The following KCNH7 variants were observed in gnomAD, a reference collection of about 807,000 sequenced individuals.
The protein encoded by KCNH7 is voltage-gated inwardly rectifying potassium channel KCNH7.
Under a neutral mutation model 120.8 loss-of-function variants are expected in KCNH7, and 49 were observed. The observed-to-expected ratio is 0.41, with a 90% confidence interval of 0.32 to 0.51. The LOEUF (loss-of-function observed/expected upper bound fraction) is 0.51. Ranked by LOEUF, KCNH7 falls within the 20% of genes least tolerant of loss-of-function variation. The pLI, the probability that KCNH7 is intolerant of heterozygous loss-of-function variation, is 0.38. For synonymous variants in KCNH7, 547 were observed against 516.1 expected (o/e 1.06, Z -0.81); for missense variants, 1,097 against 1,446.6 (o/e 0.76, Z 3.92).
intron 2 of KCNH7, among the ~76,000 whole-genome samples, chr2:162,807,280 A>AAAAAAAAAAAAAAAC (rs1559143095): frequency 2.1e-5 from 3 of 144,442 alleles, no homozygotes; most frequent in Non-Finnish European, 3.0e-5. Context: ...AAAAAAAAAA[A>AAAAAAAAAAAAAAAC]AAACAAATTA....
At chr2:162,831,259 C>A (rs1559154249) in intron 2 of KCNH7, among the ~76,000 whole-genome samples, 1 of 152,194 alleles carries the variant, frequency 6.6e-6, no homozygotes, top group East Asian at 1.9e-4. Context: ...TTCAGTGATT[C>A]TTGGCGCTAA....
At chr2:162,759,402 G>C (rs896911758) in intron 2 of KCNH7, among the ~76,000 whole-genome samples, 1 of 152,182 alleles carries the variant, frequency 6.6e-6, no homozygotes, top group South Asian at 2.1e-4. Flanking sequence ...AAACTTGTCA[G>C]CAGAAAGGTC....
intron 6 of KCNH7, among the ~76,000 whole-genome samples, chr2:162,447,596 G>T (rs1055102160): frequency 2.6e-5 from 4 of 152,056 alleles, no homozygotes; most frequent in Non-Finnish European, 5.9e-5. Context: ...AGACTAGATT[G>T]TTCTAAACAC....
rs2105416195 is a variant in KCNH7 at position 162,386,445 on chromosome 2, G to A, written c.2711-1506C>T. ...CATAATAGTTATAAAGATTAGCCTA[G>A]TAAATGTGAAAAAAACGAAAGTTTC... On this transcript the variant is annotated intron_variant, in intron 12 of 15. Transcript: ENST00000332142. Among the ~76,000 whole-genome samples the A allele has an allele frequency of 3.3e-5, 5 of 151,704 alleles. 1 individual carries two copies. The South Asian group carries it at 1.0e-3, about 31-fold the overall frequency.
intron 6 of KCNH7, among the ~76,000 whole-genome samples, chr2:162,489,329 T>C (rs1690212914): frequency 6.6e-6 from 1 of 152,242 alleles, no homozygotes; most frequent in Admixed American, 6.5e-5. Flanking sequence ...ATAATTGTTT[T>C]GGGCCACACA....
At chr2:162,489,256 C>A (rs1690209374) in intron 6 of KCNH7, among the ~76,000 whole-genome samples, 1 of 152,032 alleles carries the variant, frequency 6.6e-6, no homozygotes, top group African/African-American at 2.4e-5. Context: ...ATTTTTTCCT[C>A]ATCATTGACC....
In KCNH7 at chr2:162,400,172, A is replaced by G; in HGVS notation, c.2407+17T>C. On this transcript the variant is annotated intron_variant, in intron 10 of 15. Transcript: ENST00000332142. ...CTAATAACTGAATCTGTCACCATGCACTTCTAAAACACTCACCCAGAATAG... is the reference window on the plus strand; with the variant it reads ...CTAATAACTGAATCTGTCACCATGCGCTTCTAAAACACTCACCCAGAATAG... 6.2e-7 allele frequency: 1 copy of G among 1,609,828 alleles called. No individual in the cohort carries two copies. Among genetic ancestry groups the G allele is most frequent in the Non-Finnish European group, 8.5e-7 (1 of 1,177,344 alleles).
rs1686623573 is a variant in KCNH7, at chr2:162,387,963, T to G, written c.2711-3024A>C. Reference sequence around the variant, plus strand: ...ATAAGCTTTGGTCAAAGAGAAGCATTTAAGGTGCTCTCTCAGCATTTGAGT... The same window carrying G: ...ATAAGCTTTGGTCAAAGAGAAGCATGTAAGGTGCTCTCTCAGCATTTGAGT... On this transcript the variant is annotated intron_variant, in intron 12 of 15. Transcript: ENST00000332142. Among the ~76,000 whole-genome samples, 4 of 151,770 alleles carry G rather than the reference T, an allele frequency of 2.6e-5. No individual in the cohort carries two copies. The Admixed American group carries it at 2.6e-4, about 10-fold the overall frequency.
intron 2 of KCNH7, among the ~76,000 whole-genome samples, chr2:162,678,966 C>T (rs1211457093): frequency 6.6e-6 from 1 of 151,552 alleles, no homozygotes; most frequent in Non-Finnish European, 1.5e-5. Context: ...TCACCAATGC[C>T]TTTGCAGGAT....
intron 2 of KCNH7, among the ~76,000 whole-genome samples, chr2:162,686,790 T>C (rs1346311389): frequency 6.6e-6 from 1 of 152,022 alleles, no homozygotes; most frequent in Non-Finnish European, 1.5e-5. Context: ...CCTACCAAGG[T>C]CAAAAAAGTT....
At chr2:162,789,975 G>GAA (rs142519169) in intron 2 of KCNH7, among the ~76,000 whole-genome samples, 1 of 151,038 alleles carries the variant, frequency 6.6e-6, no homozygotes, top group African/African-American at 2.4e-5. Flanking sequence ...AACATTAACA[G>GAA]AAAAAAATCA....
intron 2 of KCNH7, among the ~76,000 whole-genome samples, chr2:162,611,634 G>A (rs1682967648): frequency 6.6e-6 from 1 of 152,170 alleles, no homozygotes; most frequent in Non-Finnish European, 1.5e-5. Context: ...GAGGCTATGG[G>A]AAGAGACGAC....
chr2:162,712,964 T>G (rs1388638614), intron 2 of KCNH7, among the ~76,000 whole-genome samples: 1 of 152,194 alleles, frequency 6.6e-6, no homozygotes. Context: ...TTTTTAGTCA[T>G]GTAGAGGGAA....
At chr2:162,717,448 C>T (rs1418377242) in intron 2 of KCNH7, among the ~76,000 whole-genome samples, 1 of 152,124 alleles carries the variant, frequency 6.6e-6, no homozygotes, top group Non-Finnish European at 1.5e-5. Context: ...AAAGGTCCAT[C>T]TCTCTTATCA....
At chr2:162,444,513 G>GATTT (rs1015071452) in intron 7 of KCNH7, among the ~76,000 whole-genome samples, 9 of 152,034 alleles carry the variant, frequency 5.9e-5, no homozygotes, top group Non-Finnish European at 1.2e-4. Flanking sequence ...AGCAGTACTA[G>GATTT]ATTTTAATTT....
At chr2:162,732,264 C>T (rs1326128279) in intron 2 of KCNH7, among the ~76,000 whole-genome samples, 1 of 152,102 alleles carries the variant, frequency 6.6e-6, no homozygotes, top group Non-Finnish European at 1.5e-5. Flanking sequence ...CGACTCATGA[C>T]GTGACAGCCT....
At chr2:162,702,523 A>G (rs1222473841) in intron 2 of KCNH7, among the ~76,000 whole-genome samples, 1 of 152,218 alleles carries the variant, frequency 6.6e-6, no homozygotes, top group Non-Finnish European at 1.5e-5. Context: ...CTTAAAAATT[A>G]TCTAAAAATA....
intron 2 of KCNH7, among the ~76,000 whole-genome samples, chr2:162,807,234 A>T (rs1684572115): frequency 6.9e-6 from 1 of 144,704 alleles, no homozygotes; most frequent in Admixed American, 7.0e-5. Flanking sequence ...AACATGGTGA[A>T]AACCCATCTC....
chr2:162,697,770 A>G (rs1236857501), intron 2 of KCNH7, among the ~76,000 whole-genome samples: 1 of 152,106 alleles, frequency 6.6e-6, no homozygotes, highest in Non-Finnish European at 1.5e-5. Flanking sequence ...AATAACAATC[A>G]GATTATTGCT....
Sources: allele counts gnomAD v4.1 joint callset (sites outside exome capture counted in the v4.1 genomes callset), GRCh38; gene constraint gnomAD v4.1.1; transcripts MANE v1.5; gene names NCBI Gene and HGNC (gene_info 2026-07-23, HGNC 2026-07-21).